The following TRABD2A variants were observed in gnomAD, a reference collection of about 807,000 sequenced individuals.
TRABD2A encodes the protein TraB domain containing 2A.
A neutral mutation model predicts 45.6 loss-of-function variants in TRABD2A; 43 were observed. The ratio of observed to expected loss-of-function variants is 0.94; its 90% CI spans 0.74 to 1.22. The LOEUF (loss-of-function observed/expected upper bound fraction) is 1.22. Among genes scored for constraint, TRABD2A ranks in the 50% most tolerant of loss-of-function variants. The pLI, the probability that TRABD2A is intolerant of heterozygous loss-of-function variation, is 0.00. For missense variants in TRABD2A, 642 were observed against 652.4 expected, an observed-to-expected ratio of 0.98 and a Z score of 0.17; for synonymous variants, 269 against 265.0, an observed-to-expected ratio of 1.02 and a Z score of -0.15.
At chr2:84,831,939 G>T (rs1192273) in intron 5 of TRABD2A, 116 bp downstream of exon 5, 2 of 977,896 alleles carry the variant, frequency 2.0e-6, no homozygotes, top group East Asian at 2.5e-5. Flanking sequence ...AAGTGTGGGG[G>T]AAATGACGAG....
At chr2:84,880,080 AC>A (rs1459976462) in intron 1 of TRABD2A, among the ~76,000 whole-genome samples, 5 of 151,706 alleles carry the variant, frequency 3.3e-5, no homozygotes, top group Non-Finnish European at 5.9e-5. Flanking sequence ...CAGATATCAA[AC>A]CCACCGGAAC....
chr2:84,825,319 T>C (rs1681116921), intron 5 of TRABD2A, among the ~76,000 whole-genome samples: 1 of 152,134 alleles, frequency 6.6e-6, no homozygotes, highest in Admixed American at 6.6e-5. Context: ...AGAAGTCAGT[T>C]AGTATTAATG....
chr2:84,823,868 C>G (rs1681065184), intron 6 of TRABD2A, 85 bp downstream of exon 6: 1 of 1,541,690 alleles, frequency 6.5e-7, no homozygotes, highest in Admixed American at 2.1e-5. Flanking sequence ...GGGGGGCTCC[C>G]ATTGCAACCA....
intron 2 of TRABD2A, among the ~76,000 whole-genome samples, chr2:84,856,872 CT>C (rs1198211974): frequency 6.6e-6 from 1 of 152,210 alleles, no homozygotes; most frequent in African/African-American, 2.4e-5. Flanking sequence ...AAGTTCTAAC[CT>C]CCCATGTCAC....
chr2:84,857,738 G>A (rs1380252309), intron 2 of TRABD2A, among the ~76,000 whole-genome samples: 2 of 152,104 alleles, frequency 1.3e-5, no homozygotes, highest in African/African-American at 4.8e-5. Context: ...TCTTCCTTCT[G>A]ACGGCCCGGG....
intron 2 of TRABD2A, chr2:84,843,725 T>A (rs1335806197): frequency 6.6e-6 from 1 of 152,154 alleles, no homozygotes; most frequent in Non-Finnish European, 1.5e-5. Flanking sequence ...CATAAAGGCC[T>A]TATAAAGAGG....
At chr2:84,857,330 T>C (rs567983615) in intron 2 of TRABD2A, among the ~76,000 whole-genome samples, 1 of 152,322 alleles carries the variant, frequency 6.6e-6, no homozygotes, top group African/African-American at 2.4e-5. Flanking sequence ...TCTTGTAACT[T>C]TTACTGCTTG....
At chr2:84,861,344 C>T (rs1038057597) in intron 2 of TRABD2A, among the ~76,000 whole-genome samples, 1 of 152,096 alleles carries the variant, frequency 6.6e-6, no homozygotes, top group East Asian at 1.9e-4. Context: ...GCTTGTTTTC[C>T]TACAACTAGA....
At chr2:84,862,049 A>C (rs1682518269) in intron 2 of TRABD2A, among the ~76,000 whole-genome samples, 1 of 152,228 alleles carries the variant, frequency 6.6e-6, no homozygotes, top group South Asian at 2.1e-4. Context: ...CCGTGGCATG[A>C]CGTGATGCTA....
intron 5 of TRABD2A, among the ~76,000 whole-genome samples, chr2:84,831,412 G>A (rs1681333988): frequency 6.6e-6 from 1 of 152,090 alleles, no homozygotes; most frequent in African/African-American, 2.4e-5. Context: ...AGGACACCTG[G>A]GGCCCACCAG....
chr2:84,864,208 G>A lies in TRABD2A; in HGVS notation c.669+6017C>T, dbSNP rs187204406. ...CCAGAGATTCATTCCTTGTCTATAAGGAACATGTGAACCCCTGGCCCATCC... is the reference window on the plus strand; with the variant it reads ...CCAGAGATTCATTCCTTGTCTATAAAGAACATGTGAACCCCTGGCCCATCC... On this transcript the variant is annotated intron_variant, in intron 2 of 6. Coordinates refer to ENST00000409520, the MANE Select transcript of TRABD2A (RefSeq NM_001277053.2). 2.0e-5 allele frequency among the ~76,000 whole-genome samples: 3 copies of A among 152,240 alleles called. No homozygotes were observed. In the East Asian group the frequency reaches 5.8e-4, roughly 29 times the overall value.
At chr2:84,851,412 C>T (rs1275662688) in intron 2 of TRABD2A, among the ~76,000 whole-genome samples, 1 of 152,184 alleles carries the variant, frequency 6.6e-6, no homozygotes, top group Admixed American at 6.5e-5. Context: ...TTAGAGTGTA[C>T]CAGAAGGCTG....
intron 1 of TRABD2A, among the ~76,000 whole-genome samples, chr2:84,880,003 C>A (rs115965826): frequency 0.13 from 18,867 of 148,524 alleles, 1,233 homozygotes; most frequent in African/African-American, 0.24. Flanking sequence ...CAACCCCCCC[C>A]ACCCCCGCGT....
chr2:84,878,265 G>A (rs1463042361), intron 1 of TRABD2A, among the ~76,000 whole-genome samples: 2 of 152,292 alleles, frequency 1.3e-5, no homozygotes, highest in East Asian at 1.9e-4. Context: ...GGTGGCTCAC[G>A]CCTATAATCC....
At chr2:84,879,681 C>G (rs976010819) in intron 1 of TRABD2A, 2 of 879,018 alleles carry the variant, frequency 2.3e-6, no homozygotes, top group African/African-American at 3.6e-5. Context: ...CCTTGTCTAA[C>G]AAGCATGAAG....
chr2:84,873,157 A>G (rs937839244), intron 1 of TRABD2A, among the ~76,000 whole-genome samples: 1 of 150,716 alleles, frequency 6.6e-6, no homozygotes, highest in African/African-American at 2.5e-5. Flanking sequence ...GCAGTTGCTG[A>G]CGCCTATAAT....
chr2:84,859,638 C>T (rs181781139), intron 2 of TRABD2A, among the ~76,000 whole-genome samples: 2 of 152,304 alleles, frequency 1.3e-5, no homozygotes, highest in Admixed American at 1.3e-4. Flanking sequence ...AATACAAGAA[C>T]AGGACTGGAG....
At chr2:84,876,268 G>A (rs1237349167) in intron 1 of TRABD2A, among the ~76,000 whole-genome samples, 1 of 152,138 alleles carries the variant, frequency 6.6e-6, no homozygotes, top group Non-Finnish European at 1.5e-5. Flanking sequence ...AAAGCCATGG[G>A]ACTAGACAAG....
rs745547340 is a variant in TRABD2A, at chr2:84,870,397, A to G, written c.497T>C (p.Val166Ala). ...IAGNWERKRP[V>A]WVMLMVNSLT... ...GGAGTTGACCATGAGCATCACCCAGACAGGCCTCTTGCGCTCCCAGTTTCC... is the reference window on the plus strand; with the variant it reads ...GGAGTTGACCATGAGCATCACCCAGGCAGGCCTCTTGCGCTCCCAGTTTCC... The change falls in exon 2 of 7, where the codon GTC becomes GCC. Residue 166 changes from valine to alanine, a missense_variant. Physicochemically the swap from Val to Ala is moderately conservative, Grantham distance 64 (BLOSUM62 0). Coordinates refer to ENST00000409520, the MANE Select transcript of TRABD2A (RefSeq NM_001277053.2). 1 of 1,614,032 alleles carries G rather than the reference A, an allele frequency of 6.2e-7. No homozygotes were observed. The highest frequency in any genetic ancestry group is 8.5e-7 in the Non-Finnish European group (1 of 1,179,900).
Sources: gnomAD v4.1 joint callset for allele counts (sites outside exome capture counted in the v4.1 genomes callset) on GRCh38, gnomAD v4.1.1 for gene constraint, MANE v1.5 for transcripts, NCBI Gene and HGNC (gene_info 2026-07-23, HGNC 2026-07-21) for gene names.